Variants in COG5 observed in about 807,000 individuals in gnomAD.
The protein encoded by COG5 is conserved oligomeric Golgi complex subunit 5.
A neutral mutation model predicts 110.4 loss-of-function variants in COG5; 86 were observed. The ratio of observed to expected loss-of-function variants is 0.78; its 90% confidence interval spans 0.65 to 0.93. The LOEUF is 0.93. COG5 is among the 40% of genes least tolerant of loss of function. The pLI is 0.00. For synonymous variants in COG5, 360 were observed against 334.6 expected (o/e 1.08, Z -0.83); for missense variants, 1,077 against 987.0 (o/e 1.09, Z -1.22).
intron 7 of COG5, among the ~76,000 whole-genome samples, chr7:107,374,141 T>C (rs899257983): frequency 4.6e-5 from 7 of 152,192 alleles, no homozygotes; most frequent in South Asian, 2.1e-4. Flanking sequence ...TGTTGTAAAT[T>C]CTCTATTAAC....
At chr7:107,467,871 C>A (rs1474262983) in intron 6 of COG5, among the ~76,000 whole-genome samples, 1 of 152,110 alleles carries the variant, frequency 6.6e-6, no homozygotes, top group Non-Finnish European at 1.5e-5. Flanking sequence ...TCCTTGGAGA[C>A]AAGTTACTCA....
intron 6 of COG5, among the ~76,000 whole-genome samples, chr7:107,436,116 G>C (rs945478317): frequency 6.6e-6 from 1 of 152,172 alleles, no homozygotes; most frequent in African/African-American, 2.4e-5. Flanking sequence ...GAATAGACTG[G>C]TGATAACCAG....
At chr7:107,314,418 A>G (rs1808543542) in intron 11 of COG5, among the ~76,000 whole-genome samples, 1 of 152,104 alleles carries the variant, frequency 6.6e-6, no homozygotes, top group Admixed American at 6.5e-5. Flanking sequence ...CTTAATGAGT[A>G]TTATAGCTTA....
chr7:107,350,307 G>T (rs1358422049), intron 10 of COG5, among the ~76,000 whole-genome samples: 1 of 151,996 alleles, frequency 6.6e-6, no homozygotes, highest in Non-Finnish European at 1.5e-5. Context: ...CCTCTAATTT[G>T]CTCTTTAGCT....
intron 19 of COG5, among the ~76,000 whole-genome samples, chr7:107,218,414 A>G (rs1316990353): frequency 6.6e-6 from 1 of 152,160 alleles, no homozygotes; most frequent in Non-Finnish European, 1.5e-5. Flanking sequence ...AGTAAAAATA[A>G]CAAAGCTGGA....
chr7:107,282,874 A>T (rs1224602961), intron 13 of COG5, among the ~76,000 whole-genome samples: 2 of 152,224 alleles, frequency 1.3e-5, no homozygotes, highest in African/African-American at 2.4e-5. Flanking sequence ...AATCTTTAAA[A>T]GAATTTAGAC....
chr7:107,304,780 T>A (rs183939366), intron 11 of COG5, among the ~76,000 whole-genome samples: 24 of 152,310 alleles, frequency 1.6e-4, no homozygotes, highest in Middle Eastern at 3.4e-3. Flanking sequence ...AAGGCAGTAC[T>A]CCTTAAAACT....
intron 12 of COG5, among the ~76,000 whole-genome samples, chr7:107,296,610 G>A (rs1252764244): frequency 7.4e-6 from 1 of 135,128 alleles, no homozygotes; most frequent in African/African-American, 2.8e-5. Flanking sequence ...TTTAAAGAGA[G>A]ACAGGGTCTC....
At chr7:107,424,065 G>C (rs1463728462) in intron 6 of COG5, among the ~76,000 whole-genome samples, 1 of 151,976 alleles carries the variant, frequency 6.6e-6, no homozygotes, top group African/African-American at 2.4e-5. Context: ...CCGAGCTCAC[G>C]AGTTTGAGAC....
chr7:107,208,828 A>C, intron 21 of COG5: 1 of 985,442 alleles, frequency 1.0e-6, no homozygotes. Flanking sequence ...TCACTTCTGG[A>C]AACAAAGCTG....
intron 1 of COG5, among the ~76,000 whole-genome samples, chr7:107,561,851 T>C (rs1803800224): frequency 6.6e-6 from 1 of 152,042 alleles, no homozygotes; most frequent in Non-Finnish European, 1.5e-5. Context: ...TGATGGGCGC[T>C]TGTAGTCCCA....
intron 6 of COG5, among the ~76,000 whole-genome samples, chr7:107,488,543 T>C (rs1797788203): frequency 6.6e-6 from 1 of 152,240 alleles, no homozygotes; most frequent in African/African-American, 2.4e-5. Flanking sequence ...AATTATTTGG[T>C]TTAAGCCAAA....
intron 6 of COG5, among the ~76,000 whole-genome samples, chr7:107,494,442 T>C (rs565687633): frequency 2.6e-5 from 4 of 152,194 alleles, no homozygotes; most frequent in Non-Finnish European, 5.9e-5. Context: ...TCCTATTGCC[T>C]ACGATGTCAC....
chr7:107,371,424 T>C (rs974502809), intron 8 of COG5, among the ~76,000 whole-genome samples: 2 of 152,098 alleles, frequency 1.3e-5, no homozygotes, highest in African/African-American at 2.4e-5. Context: ...ACTCCATCTA[T>C]ATTTTTTTAA....
chr7:107,467,994 G>A (rs546881403), intron 6 of COG5, among the ~76,000 whole-genome samples: 1 of 152,092 alleles, frequency 6.6e-6, no homozygotes, highest in Non-Finnish European at 1.5e-5. Flanking sequence ...GTCTCACAAA[G>A]AGTTAAACAA....
intron 6 of COG5, among the ~76,000 whole-genome samples, chr7:107,476,304 GA>G (rs5886418): frequency 5.6e-5 from 8 of 144,132 alleles, no homozygotes; most frequent in South Asian, 2.2e-4. Flanking sequence ...TACCAGGAAT[GA>G]AAAAAAAAAG....
rs982720605 is a variant in COG5 at position 107,563,872 on chromosome 7, C to G, written c.25G>C (p.Ala9Pro). Residue 9 changes from alanine (A) to proline (P), a missense_variant, in exon 1 of 22, where the codon GCT becomes CCT. Ala to Pro is a conservative substitution (Grantham distance 27, BLOSUM62 -1). Coordinates refer to ENST00000297135, the MANE Select transcript of COG5 (RefSeq NM_006348.5). The stretch of plus-strand genomic sequence containing the variant: ...CCTCGAGCTCCGAGGCCAGCTACAG[C>G]GACGCTGCCGCCGCCACCTTCCATG... MEGGGGSV[A>P]VAGLGARGSG... 1.2e-6 allele frequency: 2 copies of G among 1,613,522 alleles called. No individual in the cohort carries two copies. Among genetic ancestry groups the G allele is most frequent in the Non-Finnish European group, 8.5e-7 (1 of 1,179,958 alleles).
At chr7:107,210,123 T>G (rs992471196) in intron 21 of COG5, 1 of 1,065,232 alleles carries the variant, frequency 9.4e-7, no homozygotes, top group African/African-American at 1.6e-5. Context: ...CAGAACTGTT[T>G]CGCACTTGGG....
intron 14 of COG5, 193 bp from the exon 15 acceptor site, chr7:107,258,576 C>A: frequency 1.6e-6 from 1 of 610,636 alleles, no homozygotes; most frequent in Non-Finnish European, 2.9e-6. Flanking sequence ...GAGGTAAAAC[C>A]AGCAATCTGT....
Sources: allele counts gnomAD v4.1 joint callset (sites outside exome capture counted in the v4.1 genomes callset), GRCh38; gene constraint gnomAD v4.1.1; transcripts MANE v1.5; gene names NCBI Gene and HGNC (gene_info 2026-07-23, HGNC 2026-07-21).